LSAMP: variants seen among roughly 807,000 people sequenced by gnomAD.
LSAMP encodes the protein limbic system-associated membrane protein.
A neutral mutation model predicts 38.6 loss-of-function variants in LSAMP; 7 were observed. The observed-to-expected ratio is 0.18, with a 90% confidence interval of 0.10 to 0.34. The LOEUF (loss-of-function observed/expected upper bound fraction) is 0.34. Among genes scored for constraint, LSAMP ranks in the 10% least tolerant of loss-of-function variants. The pLI is 1.00. For missense variants in LSAMP, 313 were observed against 420.0 expected (o/e 0.75, Z 2.23); for synonymous variants, 154 against 166.8 (o/e 0.92, Z 0.59).
chr3:115,811,283 G>A (rs929017129), intron 6 of LSAMP, among the ~76,000 whole-genome samples: 3 of 152,154 alleles, frequency 2.0e-5, no homozygotes, highest in Non-Finnish European at 4.4e-5. Flanking sequence ...TAGGAAGCTG[G>A]AGAAGGGGCT....
chr3:116,259,440 G>C (rs1387016068), intron 1 of LSAMP, among the ~76,000 whole-genome samples: 1 of 152,062 alleles, frequency 6.6e-6, no homozygotes, highest in African/African-American at 2.4e-5. Context: ...TTTCAGTCTT[G>C]ACAGTCCACA....
chr3:116,022,246 T>A (rs1425837320), intron 2 of LSAMP, among the ~76,000 whole-genome samples: 1 of 152,180 alleles, frequency 6.6e-6, no homozygotes, highest in Non-Finnish European at 1.5e-5. Context: ...TCTTTTTTTT[T>A]TTTCTTTTTT....
chr3:116,028,759 G>A (rs2107700349), intron 2 of LSAMP, among the ~76,000 whole-genome samples: 1 of 152,188 alleles, frequency 6.6e-6, no homozygotes. Flanking sequence ...TGTGGCTAAT[G>A]GCATTCTAGT....
At chr3:116,397,931 G>A (rs1266925828) in intron 1 of LSAMP, among the ~76,000 whole-genome samples, 6 of 151,862 alleles carry the variant, frequency 4.0e-5, no homozygotes, top group Admixed American at 3.3e-4. Flanking sequence ...TTTGATGCCT[G>A]CCTTCCACTT....
chr3:116,129,122 A>C (rs1044547360), intron 1 of LSAMP, among the ~76,000 whole-genome samples: 13 of 152,276 alleles, frequency 8.5e-5, no homozygotes, highest in African/African-American at 2.9e-4. Flanking sequence ...TAAAACGTGA[A>C]TTCATAGGAT....
chr3:116,198,540 C>T (rs778311841), intron 1 of LSAMP, among the ~76,000 whole-genome samples: 4 of 152,048 alleles, frequency 2.6e-5, no homozygotes, highest in Non-Finnish European at 4.4e-5. Flanking sequence ...GAGGCCGAGG[C>T]TGGCGGATCA....
intron 1 of LSAMP, among the ~76,000 whole-genome samples, chr3:116,174,005 C>T (rs1193158058): frequency 6.6e-6 from 1 of 151,962 alleles, no homozygotes; most frequent in Non-Finnish European, 1.5e-5. Flanking sequence ...AATTTCCAGA[C>T]TCAGAACTTT....
At chr3:116,374,338 T>C (rs1310532395) in intron 1 of LSAMP, among the ~76,000 whole-genome samples, 1 of 151,928 alleles carries the variant, frequency 6.6e-6, no homozygotes, top group African/African-American at 2.4e-5. Flanking sequence ...ATGGAGACAT[T>C]TGATTTTCAT....
At chr3:116,429,271 C>T (rs963200920) in intron 1 of LSAMP, among the ~76,000 whole-genome samples, 4 of 151,940 alleles carry the variant, frequency 2.6e-5, no homozygotes, top group Non-Finnish European at 4.4e-5. Flanking sequence ...AGTCACTTTA[C>T]AAAAAGAGAT....
intron 3 of LSAMP, among the ~76,000 whole-genome samples, chr3:115,934,626 T>C (rs1049914796): frequency 6.6e-6 from 1 of 152,124 alleles, no homozygotes; most frequent in African/African-American, 2.4e-5. Context: ...GAACTAATGG[T>C]TTGAGTAGAT....
chr3:116,228,189 A>G (rs1286747846), intron 1 of LSAMP, among the ~76,000 whole-genome samples: 3 of 152,098 alleles, frequency 2.0e-5, no homozygotes, highest in South Asian at 4.1e-4. Flanking sequence ...AGAGATTGCA[A>G]TGTATTAGAA....
intron 5 of LSAMP, 59 bp downstream of exon 5, chr3:115,842,399 T>G: frequency 6.4e-7 from 1 of 1,572,944 alleles, no homozygotes; most frequent in South Asian, 1.2e-5. Flanking sequence ...GTTGTGGGGA[T>G]TCTGGTGTCC....
At chr3:115,813,635 G>A (rs536533664) in intron 6 of LSAMP, among the ~76,000 whole-genome samples, 1 of 152,206 alleles carries the variant, frequency 6.6e-6, no homozygotes, top group South Asian at 2.1e-4. Flanking sequence ...CTGGGTTTGA[G>A]AGTAAATAAA....
chr3:116,072,763 T>TTTC (rs1485499400), intron 2 of LSAMP, among the ~76,000 whole-genome samples: 66 of 150,684 alleles, frequency 4.4e-4, no homozygotes, highest in Non-Finnish European at 8.6e-4. Context: ...TTTTTTTTTT[T>TTTC]TTTTTTTGTA....
At chr3:115,847,438 G>A (rs1428134342) in intron 4 of LSAMP, among the ~76,000 whole-genome samples, 1 of 152,200 alleles carries the variant, frequency 6.6e-6, no homozygotes, top group Non-Finnish European at 1.5e-5. Flanking sequence ...CAGTGATAAA[G>A]TAAATACTTC....
chr3:116,113,580 T>C (rs576315829), intron 1 of LSAMP, among the ~76,000 whole-genome samples: 2,540 of 150,148 alleles, frequency 0.017, 44 homozygotes, highest in Non-Finnish European at 0.024. Flanking sequence ...CGCCCGCCAC[T>C]ACGCCCGGCT....
chr3:116,091,148 G>T (rs1352203605), intron 1 of LSAMP, among the ~76,000 whole-genome samples: 1 of 152,160 alleles, frequency 6.6e-6, no homozygotes. Context: ...TCTCAGGGAC[G>T]TTCCATGCTG....
At chr3:115,979,381 G>A (rs1312931284) in intron 3 of LSAMP, among the ~76,000 whole-genome samples, 2 of 152,110 alleles carry the variant, frequency 1.3e-5, no homozygotes, top group South Asian at 4.1e-4. Flanking sequence ...CAACAATATT[G>A]TGAGATTTAC....
chr3:115,820,877 GA>G lies in LSAMP; in HGVS notation c.920-10464del, dbSNP rs572592009. 3.3e-5 allele frequency among the ~76,000 whole-genome samples: 5 copies of G among 152,226 alleles called. No individual in the cohort carries two copies. In the East Asian group the frequency reaches 9.6e-4, roughly 29 times the overall value. On this transcript the variant is annotated intron_variant, in intron 6 of 6. Transcript: ENST00000490035. ...GAACCTAAGGTGAGATTATTCTTGGGAATTCACAGTTATTTGAAGAGCCAAT... is the reference window on the plus strand; with the variant it reads ...GAACCTAAGGTGAGATTATTCTTGGGATTCACAGTTATTTGAAGAGCCAAT...
Sources: allele counts gnomAD v4.1 joint callset (sites outside exome capture counted in the v4.1 genomes callset), GRCh38; gene constraint gnomAD v4.1.1; transcripts MANE v1.5; gene names NCBI Gene and HGNC (gene_info 2026-07-23, HGNC 2026-07-21).